The following YIPF7 variants were observed in gnomAD, a reference collection of about 807,000 sequenced individuals.
YIPF7 encodes protein YIPF7.
A neutral mutation model predicts 27.2 loss-of-function variants in YIPF7; 35 were observed. The ratio of observed to expected loss-of-function variants is 1.29; its 90% CI spans 0.98 to 1.70. The LOEUF is 1.70. Among genes scored for constraint, YIPF7 ranks in the 40% most tolerant of loss-of-function variants. The pLI is 0.00. For missense variants in YIPF7, 358 were observed against 303.7 expected (o/e 1.18, Z -1.33); for synonymous variants, 137 against 110.4 (o/e 1.24, Z -1.51).
chr4:44,633,819 T>C (rs1358752270), intron 3 of YIPF7, among the ~76,000 whole-genome samples: 1 of 152,164 alleles, frequency 6.6e-6, no homozygotes, highest in African/African-American at 2.4e-5. Context: ...CTTTAGATTC[T>C]ATAGAAATCT....
intron 3 of YIPF7, 88 bp downstream of exon 3, chr4:44,635,834 C>T (rs2348352): frequency 0.085 from 121,024 of 1,421,570 alleles, 6,473 homozygotes; most frequent in East Asian, 0.25. Context: ...AGACACTGTA[C>T]ACTGCAGGCT....
At chr4:44,629,148 T>G (rs910504497) in intron 4 of YIPF7, 1 of 315,538 alleles carries the variant, frequency 3.2e-6, no homozygotes, top group African/African-American at 2.2e-5. Flanking sequence ...CTTTTCTTAA[T>G]AACAAAAAAG....
At chr4:44,656,941 C>T (rs746550651) in intron 2 of YIPF7, among the ~76,000 whole-genome samples, 5 of 152,020 alleles carry the variant, frequency 3.3e-5, no homozygotes, top group Non-Finnish European at 7.4e-5. Flanking sequence ...TCAGTAAGGA[C>T]GTATGTTTAT....
At chr4:44,660,515 G>C (rs1714018540) in exon 2 of YIPF7, 1 of 152,192 alleles carries the variant, frequency 6.6e-6, no homozygotes, top group Non-Finnish European at 1.5e-5. Flanking sequence ...TACAAGATGA[G>C]AGAGAAAGAG....
intron 2 of YIPF7, among the ~76,000 whole-genome samples, chr4:44,660,254 T>C (rs995517274): frequency 3.9e-5 from 6 of 152,054 alleles, no homozygotes; most frequent in Non-Finnish European, 8.8e-5. Flanking sequence ...TACACATTCT[T>C]TGATACTCCT....
chr4:44,639,208 T>G (rs1335625959), intron 2 of YIPF7, among the ~76,000 whole-genome samples: 1 of 152,266 alleles, frequency 6.6e-6, no homozygotes, highest in African/African-American at 2.4e-5. Context: ...TTAGGATAGT[T>G]TTTTTCTAAT....
At chr4:44,639,764 T>C (rs1713264178) in intron 2 of YIPF7, among the ~76,000 whole-genome samples, 1 of 143,070 alleles carries the variant, frequency 7.0e-6, no homozygotes, top group Non-Finnish European at 1.5e-5. Context: ...CTTGTCTTGT[T>C]TCATTTTTTC....
intron 3 of YIPF7, among the ~76,000 whole-genome samples, chr4:44,633,832 A>G (rs115424281): frequency 0.014 from 2,060 of 152,292 alleles, 23 homozygotes; most frequent in Middle Eastern, 0.031. Context: ...AGAAATCTGA[A>G]CAAAAAAACC....
intron 2 of YIPF7, among the ~76,000 whole-genome samples, chr4:44,637,574 C>A (rs1236988570): frequency 6.6e-6 from 1 of 152,026 alleles, no homozygotes; most frequent in Non-Finnish European, 1.5e-5. Flanking sequence ...ATATTCTTGC[C>A]CACTTTTTTC....
At chr4:44,649,652 G>T (rs145147260) in intron 2 of YIPF7, among the ~76,000 whole-genome samples, 1 of 149,984 alleles carries the variant, frequency 6.7e-6, no homozygotes, top group Admixed American at 6.7e-5. Context: ...GGTGGCACAC[G>T]CCTATAATCC....
chr4:44,622,712 T>C, intron 5 of YIPF7, 136 bp from the exon 6 acceptor site: 2 of 1,143,968 alleles, frequency 1.7e-6, no homozygotes, highest in Non-Finnish European at 1.2e-6. Flanking sequence ...ATAAAATATA[T>C]GAACAAAAGC....
chr4:44,656,200 A>G (rs887966171), upstream of YIPF7, among the ~76,000 whole-genome samples: 13 of 152,182 alleles, frequency 8.5e-5, no homozygotes, highest in African/African-American at 2.4e-4. Context: ...CTTAGTAACC[A>G]TATTATTATA....
chr4:44,625,427 G>A (rs899648623), intron 4 of YIPF7, among the ~76,000 whole-genome samples: 7 of 152,024 alleles, frequency 4.6e-5, no homozygotes, highest in Non-Finnish European at 1.0e-4. Context: ...ACATCAACGG[G>A]AACTCTTACA....
At chr4:44,645,086 C>T (rs1196212929) in intron 2 of YIPF7, among the ~76,000 whole-genome samples, 1 of 152,100 alleles carries the variant, frequency 6.6e-6, no homozygotes, top group Admixed American at 6.6e-5. Flanking sequence ...GGACTATGAG[C>T]CAATTAAACC....
At chr4:44,625,431 T>G (rs1001137114) in intron 4 of YIPF7, among the ~76,000 whole-genome samples, 1 of 152,200 alleles carries the variant, frequency 6.6e-6, no homozygotes, top group Admixed American at 6.5e-5. Flanking sequence ...CAACGGGAAC[T>G]CTTACAAGTC....
chr4:44,629,581 A>G lies in YIPF7; in HGVS notation c.281-33T>C, dbSNP rs373476155. On this transcript the variant is annotated intron_variant, in intron 3 of 5. Coordinates refer to ENST00000415895, the MANE Select transcript of YIPF7 (RefSeq NM_182592.3). ...AAGGAAAAAAGATAAATAATATGAT[A>G]ACATAAATATAGAAAAATAAAAATA... The G allele has an allele frequency of 3.3e-5, 47 of 1,443,318 alleles. No individual in the cohort carries two copies. In the African/African-American group the frequency reaches 4.6e-4, roughly 14 times the overall value. The allele number at this position is 1,443,318 out of a possible 1,614,324, so 89.4% of individuals were successfully genotyped here. A position where few individuals can be genotyped will look rare whatever the true frequency, so the allele number is the denominator to read the frequency against.
intron 4 of YIPF7, among the ~76,000 whole-genome samples, chr4:44,628,223 T>C (rs1712742027): frequency 6.6e-6 from 1 of 152,164 alleles, no homozygotes; most frequent in Non-Finnish European, 1.5e-5. Context: ...TTGCATTTGC[T>C]GTAGTACCAA....
intron 2 of YIPF7, among the ~76,000 whole-genome samples, chr4:44,658,868 G>T (rs1713972287): frequency 6.6e-6 from 1 of 152,140 alleles, no homozygotes; most frequent in African/African-American, 2.4e-5. Context: ...CTGCCTCCAT[G>T]ATTCGATTAT....
intron 2 of YIPF7, among the ~76,000 whole-genome samples, chr4:44,644,418 T>C (rs1713448931): frequency 6.6e-6 from 1 of 152,224 alleles, no homozygotes; most frequent in Admixed American, 6.5e-5. Context: ...AAAGCCACCA[T>C]GGGCTGCACA....
Sources: allele counts gnomAD v4.1 joint callset (sites outside exome capture counted in the v4.1 genomes callset), GRCh38; gene constraint gnomAD v4.1.1; transcripts MANE v1.5; gene names NCBI Gene and HGNC (gene_info 2026-07-23, HGNC 2026-07-21).